Variants in DDX60L observed in about 807,000 individuals in gnomAD.
DDX60L encodes the protein probable ATP-dependent RNA helicase DDX60-like.
In DDX60L, 191 loss-of-function variants were observed where a neutral mutation model predicts 211.6. That is an observed-to-expected ratio of 0.90 (90% CI 0.80 to 1.02). DDX60L has a LOEUF of 1.02. Among genes scored for constraint, DDX60L ranks in the 50% least tolerant of loss-of-function variants. The probability of loss-of-function intolerance (pLI) is 0.00; values close to 1 mark genes in which losing one functional copy is unlikely to be tolerated. For synonymous variants in DDX60L, 706 were observed against 694.1 expected (o/e 1.02, Z -0.27); for missense variants, 2,007 against 1,984.1 (o/e 1.01, Z -0.22).
intron 22 of DDX60L, among the ~76,000 whole-genome samples, chr4:168,413,348 T>C (rs1749012863): frequency 6.6e-6 from 1 of 151,904 alleles, no homozygotes; most frequent in Non-Finnish European, 1.5e-5. Flanking sequence ...CAGGCCAATA[T>C]CCCTGATGAA....
At chr4:168,359,881 T>C (rs576851244) in intron 37 of DDX60L, among the ~76,000 whole-genome samples, 12 of 152,280 alleles carry the variant, frequency 7.9e-5, no homozygotes, top group African/African-American at 2.6e-4. Context: ...TATCCCCGAA[T>C]ACATCAGGAC....
At chr4:168,421,675 T>G in intron 17 of DDX60L, 85 bp downstream of exon 17, 2 of 1,517,180 alleles carry the variant, frequency 1.3e-6, no homozygotes, top group Non-Finnish European at 1.8e-6. Flanking sequence ...TAACAGTGAA[T>G]TAGATCTAGC....
chr4:168,441,209 T>G, intron 10 of DDX60L, 128 bp downstream of exon 10: 1 of 866,650 alleles, frequency 1.2e-6, no homozygotes, highest in Non-Finnish European at 1.8e-6. Flanking sequence ...AAACCTCAAT[T>G]AAGAGGTAAA....
chr4:168,369,125 A>T (rs1480400772), intron 36 of DDX60L, among the ~76,000 whole-genome samples: 2 of 152,180 alleles, frequency 1.3e-5, no homozygotes, highest in African/African-American at 4.8e-5. Context: ...GCAGAATGAT[A>T]TAGTTTGCCT....
At position 168,358,161 on chromosome 4, in the gene DDX60L, T is replaced by G; in HGVS notation, c.5107A>C (p.Asn1703His). 2 of 1,609,164 alleles carry G rather than the reference T, an allele frequency of 1.2e-6. No individual in the cohort carries two copies. Among genetic ancestry groups the G allele is most frequent in the Non-Finnish European group, 1.7e-6 (2 of 1,177,806 alleles). ...TTTCCATGGTGTTATTCTAAATGATTTTGACTCATTTGAATTTGCATTTCT... is the reference window on the plus strand; with the variant it reads ...TTTCCATGGTGTTATTCTAAATGATGTTGACTCATTTGAATTTGCATTTCT... ...LQEMQIQMSQ[N>H]HLE is the part of the protein sequence containing the mutation. The change falls in exon 38 of 38, where the codon AAT (asparagine) becomes CAT (histidine). Residue 1703 changes from asparagine (N) to histidine (H), a missense_variant. Transcript: ENST00000682922.
intron 4 of DDX60L, among the ~76,000 whole-genome samples, chr4:168,467,282 G>A (rs778220893): frequency 2.0e-5 from 3 of 151,860 alleles, no homozygotes; most frequent in African/African-American, 7.3e-5. Context: ...GCTGCCACAC[G>A]CCTGTAGTCC....
At chr4:168,397,230 A>G (rs1745961376) in intron 26 of DDX60L, among the ~76,000 whole-genome samples, 1 of 152,222 alleles carries the variant, frequency 6.6e-6, no homozygotes, top group South Asian at 2.1e-4. Flanking sequence ...GGACTAAGAC[A>G]AATGTTGAGG....
In DDX60L at chr4:168,441,396, G is replaced by C; in HGVS notation, c.1235C>G (p.Ser412Cys). 1 of 1,612,856 alleles carries C rather than the reference G, an allele frequency of 6.2e-7. No homozygotes were observed. Among genetic ancestry groups the C allele is most frequent in the South Asian group, 1.1e-5 (1 of 90,940 alleles). ...TCTTCTTGTTGTTCTCAGAGGAAAA[G>C]ACTTTCCAACGTTAAATTCTTTAAC... ...HLVKEFNVGKSFPLRTTRRHF... is the reference protein window; with the variant it reads ...HLVKEFNVGKCFPLRTTRRHF... The change falls in exon 10 of 38, where the codon TCT becomes TGT. Residue 412 changes from serine to cysteine, a missense_variant. Ser to Cys is a moderately radical substitution (Grantham distance 112, BLOSUM62 -1). Coordinates refer to ENST00000682922, the MANE Select transcript of DDX60L (RefSeq NM_001012967.3).
chr4:168,466,393 G>A (rs906655215), intron 4 of DDX60L, among the ~76,000 whole-genome samples: 3 of 152,158 alleles, frequency 2.0e-5, no homozygotes, highest in African/African-American at 7.2e-5. Flanking sequence ...GAGAATCTGT[G>A]AGGCTTTGTC....
intron 37 of DDX60L, among the ~76,000 whole-genome samples, chr4:168,359,520 A>G (rs1738741908): frequency 6.6e-6 from 1 of 152,112 alleles, no homozygotes. Flanking sequence ...TTCTACCACC[A>G]CTGCCTAATT....
chr4:168,466,200 G>A (rs1757972136), intron 4 of DDX60L, among the ~76,000 whole-genome samples: 1 of 151,810 alleles, frequency 6.6e-6, no homozygotes, highest in Non-Finnish European at 1.5e-5. Flanking sequence ...AAAGACAAGA[G>A]TAGAAATCAG....
chr4:168,471,835 C>A lies in DDX60L; in HGVS notation c.176G>T (p.Gly59Val). ...CAGATAGAAAAAGTGGAGATTCTGT[C>A]CCCACTTGAATGATTTTACACCCAG... ...TCLGVKSFKW[G>V]QNLHFFYLVE... is the part of the protein sequence containing the mutation. Residue 59 changes from glycine (G) to valine (V), a missense_variant, in exon 4 of 38, where the codon GGA becomes GTA. Coordinates refer to ENST00000682922, the MANE Select transcript of DDX60L (RefSeq NM_001012967.3). 6.2e-7 allele frequency: 1 copy of A among 1,613,752 alleles called. No homozygotes were observed. Among genetic ancestry groups the A allele is most frequent in the Middle Eastern group, 1.7e-4 (1 of 6,058 alleles).
At chr4:168,398,436 G>A (rs1579376127) in intron 26 of DDX60L, among the ~76,000 whole-genome samples, 4 of 152,196 alleles carry the variant, frequency 2.6e-5, no homozygotes, top group Admixed American at 2.0e-4. Context: ...AGAGCAGCTC[G>A]GCACTGGCCT....
intron 9 of DDX60L, among the ~76,000 whole-genome samples, chr4:168,446,034 A>T (rs913907062): frequency 6.7e-6 from 1 of 149,554 alleles, no homozygotes; most frequent in Non-Finnish European, 1.5e-5. Flanking sequence ...GGCCAGGGCA[A>T]TTAGGCAGGA....
At chr4:168,364,101 C>T (rs551981884) in intron 36 of DDX60L, among the ~76,000 whole-genome samples, 110 of 151,944 alleles carry the variant, frequency 7.2e-4, no homozygotes, top group African/African-American at 2.5e-3. Context: ...GCCCCAGTGA[C>T]AGAGAGAGAC....
intron 29 of DDX60L, among the ~76,000 whole-genome samples, chr4:168,387,967 T>G (rs1419105104): frequency 6.6e-6 from 1 of 152,170 alleles, no homozygotes; most frequent in Non-Finnish European, 1.5e-5. Flanking sequence ...AATCACCTCA[T>G]GTCCACAGAT....
chr4:168,403,842 T>C, intron 25 of DDX60L, 140 bp downstream of exon 25: 1 of 417,834 alleles, frequency 2.4e-6, no homozygotes, highest in Non-Finnish European at 4.1e-6. Context: ...ATAAAATCTA[T>C]ATTATTTTTC....
chr4:168,439,995 G>C (rs902900978), intron 10 of DDX60L, among the ~76,000 whole-genome samples: 2 of 152,166 alleles, frequency 1.3e-5, no homozygotes, highest in Admixed American at 1.3e-4. Context: ...CAGATGAAAA[G>C]TCCAAGAAAA....
At position 168,461,797 on chromosome 4, in the gene DDX60L, C is replaced by G; in HGVS notation, c.508G>C (p.Val170Leu). The part of the protein sequence containing the change: ...FLIIHSWGMK[V>L]NVVLSSGHES... ...TGCCCTGATGAAAGCACAACATTGA[C>G]TTTCATTCCCCAGGAATGTATGATT... is the stretch of plus-strand genomic sequence containing the variant. Residue 170 changes from valine (V) to leucine (L), a missense_variant, in exon 5 of 38, where the codon GTC becomes CTC. Coordinates refer to ENST00000682922, the MANE Select transcript of DDX60L (RefSeq NM_001012967.3). 1 of 1,605,714 alleles carries G rather than the reference C, an allele frequency of 6.2e-7. No homozygotes were observed. The highest frequency in any genetic ancestry group is 8.5e-7 in the Non-Finnish European group (1 of 1,175,134).
Sources: allele counts gnomAD v4.1 joint callset (sites outside exome capture counted in the v4.1 genomes callset), GRCh38; gene constraint gnomAD v4.1.1; transcripts MANE v1.5; gene names NCBI Gene and HGNC (gene_info 2026-07-23, HGNC 2026-07-21).